Variants in CRISP1 observed in about 807,000 individuals in gnomAD.
CRISP1 encodes cysteine-rich secretory protein 1.
A neutral mutation model predicts 33.1 loss-of-function variants in CRISP1; 44 were observed. That is an observed-to-expected ratio of 1.33 (90% confidence interval 1.05 to 1.71). The LOEUF (loss-of-function observed/expected upper bound fraction) is 1.71. Ranked by LOEUF, CRISP1 falls within the 40% of genes most tolerant of loss-of-function variation. The probability of loss-of-function intolerance (pLI) is 0.00; values close to 1 mark genes in which losing one functional copy is unlikely to be tolerated. For missense variants in CRISP1, 390 were observed against 301.2 expected (o/e 1.29, Z -2.18); for synonymous variants, 103 against 98.7 (o/e 1.04, Z -0.26).
At chr6:49,876,165 G>A (rs12196735) in intron 1 of CRISP1, among the ~76,000 whole-genome samples, 36,553 of 151,934 alleles carry the variant, frequency 0.24, 4,783 homozygotes, top group Admixed American at 0.36. Flanking sequence ...CTAATATCAA[G>A]AGAGTACAAG....
At chr6:49,857,615 T>C (rs1410681524) in intron 1 of CRISP1, among the ~76,000 whole-genome samples, 1 of 152,196 alleles carries the variant, frequency 6.6e-6, no homozygotes, top group Non-Finnish European at 1.5e-5. Context: ...AAATATAAAT[T>C]GTTTTAATCC....
At chr6:49,875,053 TG>T (rs995794082) in intron 1 of CRISP1, among the ~76,000 whole-genome samples, 1 of 152,064 alleles carries the variant, frequency 6.6e-6, no homozygotes, top group Non-Finnish European at 1.5e-5. Context: ...TTGGAAATTA[TG>T]GCCTGGGCAA....
upstream of CRISP1, among the ~76,000 whole-genome samples, chr6:49,869,152 G>T (rs537488881): frequency 6.6e-6 from 1 of 152,236 alleles, no homozygotes; most frequent in Non-Finnish European, 1.5e-5. Context: ...GAGCACATTT[G>T]GTTTATGGTG....
chr6:49,863,039 C>T (rs1270057908), intron 1 of CRISP1, among the ~76,000 whole-genome samples: 7 of 151,968 alleles, frequency 4.6e-5, no homozygotes, highest in Admixed American at 6.6e-5. Context: ...GGATAATTCC[C>T]GGACATATGG....
At chr6:49,844,041 A>T (rs1340824) in intron 5 of CRISP1, among the ~76,000 whole-genome samples, 7,054 of 152,280 alleles carry the variant, frequency 0.046, 247 homozygotes, top group Non-Finnish European at 0.069. Context: ...ATAGTAACCT[A>T]CAAGAGGAGA....
intron 3 of CRISP1, among the ~76,000 whole-genome samples, chr6:49,850,047 A>G (rs570212970): frequency 2.9e-5 from 4 of 139,518 alleles, no homozygotes; most frequent in Non-Finnish European, 4.6e-5. Flanking sequence ...GAATTGAACA[A>G]TGAGAACACA....
intron 5 of CRISP1, among the ~76,000 whole-genome samples, chr6:49,841,331 C>T (rs1326106388): frequency 1.3e-5 from 2 of 152,076 alleles, no homozygotes; most frequent in Non-Finnish European, 2.9e-5. Flanking sequence ...TAACAAAACC[C>T]AATGTTCATT....
intron 1 of CRISP1, among the ~76,000 whole-genome samples, chr6:49,871,920 T>G (rs542347574): frequency 3.9e-5 from 6 of 152,224 alleles, no homozygotes; most frequent in African/African-American, 1.4e-4. Context: ...TACCTAGTAA[T>G]GGGATGGCTG....
chr6:49,854,123 C>T (rs1306407650), intron 2 of CRISP1, among the ~76,000 whole-genome samples: 3 of 152,146 alleles, frequency 2.0e-5, no homozygotes, highest in South Asian at 2.1e-4. Flanking sequence ...AGGGCAGCTG[C>T]TTCAACTGTC....
Position 49,835,365 on chromosome 6 carries a change from G to A in CRISP1, c.701C>T (p.Thr234Ile). 1 of 1,613,778 alleles carries A rather than the reference G, an allele frequency of 6.2e-7. No homozygotes were observed. Among genetic ancestry groups the A allele is most frequent in the Non-Finnish European group, 8.5e-7 (1 of 1,179,732 alleles). Residue 234 changes from threonine (T) to isoleucine (I), a missense_variant, in exon 8 of 8, where the codon ACT becomes ATT. By Grantham distance (89) the Thr-to-Ile change is moderately conservative. Coordinates refer to ENST00000335847, the MANE Select transcript of CRISP1 (RefSeq NM_001131.3). The stretch of plus-strand genomic sequence containing the variant: ...ACAAGTGGCTTTACAGAATAGGATA[G>A]TTGTTGAGTGGTTGCATCCCAGATA... ...VHYLGCNHST[T>I]ILFCKATCLC... is the part of the protein sequence containing the mutation.
intron 2 of CRISP1, among the ~76,000 whole-genome samples, chr6:49,852,934 T>C (rs1033415377): frequency 4.0e-5 from 6 of 151,762 alleles, no homozygotes; most frequent in African/African-American, 1.5e-4. Context: ...GCAGAACTAA[T>C]GTACTATAAT....
chr6:49,849,420 T>C (rs1771282743), intron 3 of CRISP1, among the ~76,000 whole-genome samples: 1 of 152,098 alleles, frequency 6.6e-6, no homozygotes, highest in Non-Finnish European at 1.5e-5. Flanking sequence ...TATATAAACT[T>C]TTAACTTTGG....
intron 1 of CRISP1, among the ~76,000 whole-genome samples, chr6:49,872,968 T>C (rs1014338455): frequency 2.0e-5 from 3 of 152,086 alleles, no homozygotes; most frequent in African/African-American, 7.2e-5. Flanking sequence ...GGGGATGGCA[T>C]TGAATCTATA....
chr6:49,871,870 G>A (rs756019642), intron 1 of CRISP1, among the ~76,000 whole-genome samples: 6 of 152,016 alleles, frequency 3.9e-5, no homozygotes, highest in African/African-American at 1.5e-4. Context: ...ATGTGTGCAC[G>A]TGTCTTTATA....
chr6:49,874,346 TAA>T (rs1771987660), intron 1 of CRISP1, among the ~76,000 whole-genome samples: 1 of 152,088 alleles, frequency 6.6e-6, no homozygotes, highest in African/African-American at 2.4e-5. Context: ...TTCAGATAAC[TAA>T]AAACACTCAG....
upstream of CRISP1, among the ~76,000 whole-genome samples, chr6:49,867,590 A>C (rs1000657186): frequency 2.0e-5 from 3 of 152,146 alleles, no homozygotes; most frequent in Middle Eastern, 3.4e-3. Context: ...AAGAAAGATC[A>C]GAGTCTCTTA....
intron 3 of CRISP1, among the ~76,000 whole-genome samples, chr6:49,850,872 T>G (rs1771325008): frequency 6.6e-6 from 1 of 152,162 alleles, no homozygotes; most frequent in Non-Finnish European, 1.5e-5. Context: ...ATTTGGACTC[T>G]ACTTCTCCAG....
chr6:49,870,935 T>A (rs1771908264), upstream of CRISP1, among the ~76,000 whole-genome samples: 1 of 151,936 alleles, frequency 6.6e-6, no homozygotes, highest in Admixed American at 6.6e-5. Context: ...ACCCCATGCC[T>A]ACTAAAAATA....
chr6:49,868,613 A>T (rs1172210586), upstream of CRISP1, among the ~76,000 whole-genome samples: 2 of 152,196 alleles, frequency 1.3e-5, no homozygotes, highest in Non-Finnish European at 2.9e-5. Context: ...CATATTTGTA[A>T]AATAATTTTG....
Sources: allele counts gnomAD v4.1 joint callset (sites outside exome capture counted in the v4.1 genomes callset), GRCh38; gene constraint gnomAD v4.1.1; transcripts MANE v1.5; gene names NCBI Gene and HGNC (gene_info 2026-07-23, HGNC 2026-07-21).